Variants in FRMD4A observed in about 807,000 individuals in gnomAD.
FRMD4A encodes FERM domain-containing protein 4A.
In FRMD4A, 29 loss-of-function variants were observed where a neutral mutation model predicts 129.1. That is an observed-to-expected ratio of 0.22 (90% CI 0.17 to 0.31). The LOEUF is 0.31. Ranked by LOEUF, FRMD4A falls within the 10% of genes least tolerant of loss-of-function variation. The pLI is 1.00. For synonymous variants in FRMD4A, 634 were observed against 571.6 expected, an observed-to-expected ratio of 1.11 and a Z score of -1.56; for missense variants, 1,272 against 1,375.8, an observed-to-expected ratio of 0.92 and a Z score of 1.19.
At chr10:13,994,710 A>T (rs1328020790) in intron 2 of FRMD4A, among the ~76,000 whole-genome samples, 1 of 152,166 alleles carries the variant, frequency 6.6e-6, no homozygotes, top group African/African-American at 2.4e-5. Context: ...ATACAGACAT[A>T]TGTATTTTTT....
intron 2 of FRMD4A, among the ~76,000 whole-genome samples, chr10:14,056,514 T>C (rs1244220386): frequency 3.3e-5 from 5 of 151,394 alleles, no homozygotes; most frequent in African/African-American, 1.2e-4. Context: ...TCTTTCTAAC[T>C]ATATTTTTTT....
At chr10:13,792,911 T>C (rs994687907) in intron 5 of FRMD4A, among the ~76,000 whole-genome samples, 1 of 152,228 alleles carries the variant, frequency 6.6e-6, no homozygotes, top group Non-Finnish European at 1.5e-5. Context: ...GGAGATGCTA[T>C]CTGGCTTCGT....
At chr10:13,996,613 T>A (rs2095623404) in intron 2 of FRMD4A, among the ~76,000 whole-genome samples, 1 of 152,176 alleles carries the variant, frequency 6.6e-6, no homozygotes, top group African/African-American at 2.4e-5. Flanking sequence ...GAAGGGGAAC[T>A]AGGCATAATG....
chr10:13,967,151 A>C (rs1259597553), intron 2 of FRMD4A, among the ~76,000 whole-genome samples: 1 of 152,198 alleles, frequency 6.6e-6, no homozygotes, highest in East Asian at 1.9e-4. Flanking sequence ...CCTGGCTAAC[A>C]CGGTGAAACC....
At chr10:14,088,010 C>T (rs1247818771) in intron 2 of FRMD4A, among the ~76,000 whole-genome samples, 1 of 152,122 alleles carries the variant, frequency 6.6e-6, no homozygotes, top group East Asian at 1.9e-4. Context: ...TTTATAAAGT[C>T]ACCTTGGTAT....
intron 3 of FRMD4A, among the ~76,000 whole-genome samples, chr10:13,814,777 A>T (rs751204292): frequency 6.6e-6 from 1 of 152,072 alleles, no homozygotes; most frequent in East Asian, 1.9e-4. Flanking sequence ...AGAAAGAATG[A>T]TTCCCAGTGC....
intron 2 of FRMD4A, among the ~76,000 whole-genome samples, chr10:14,026,888 T>A (rs1588812682): frequency 6.6e-6 from 1 of 152,246 alleles, no homozygotes; most frequent in African/African-American, 2.4e-5. Flanking sequence ...TGTGCAACAT[T>A]GTTCTAGTTT....
chr10:14,195,416 G>T (rs1013206018), intron 2 of FRMD4A, among the ~76,000 whole-genome samples: 2 of 144,868 alleles, frequency 1.4e-5, no homozygotes, highest in African/African-American at 5.2e-5. Flanking sequence ...TGTCTCCCCT[G>T]TGTTTTCTTT....
At chr10:14,102,559 G>A (rs1474237806) in intron 2 of FRMD4A, among the ~76,000 whole-genome samples, 8 of 152,128 alleles carry the variant, frequency 5.3e-5, no homozygotes, top group South Asian at 2.1e-4. Flanking sequence ...GAACCAAGCC[G>A]ACCTCCCACA....
intron 2 of FRMD4A, among the ~76,000 whole-genome samples, chr10:13,888,712 T>A (rs976909462): frequency 6.6e-6 from 1 of 152,160 alleles, no homozygotes; most frequent in African/African-American, 2.4e-5. Context: ...TGTTATCATA[T>A]CAGGTGCTAC....
At chr10:14,191,951 TCCACTTCCACCAGA>T (rs1842332328) in intron 2 of FRMD4A, among the ~76,000 whole-genome samples, 1 of 152,196 alleles carries the variant, frequency 6.6e-6, no homozygotes, top group African/African-American at 2.4e-5. Flanking sequence ...ACTCACTGTC[TCCACTTCCACCAGA>T]CCACTTTTTC....
At position 13,654,717 on chromosome 10, in the gene FRMD4A, G is replaced by A. The variant is rs544300942; in HGVS notation, c.2954-205C>T. On this transcript the variant is annotated intron_variant, in intron 22 of 24. Transcript: ENST00000357447. ...ATCTCTACATGCCCCCCCAACCTCT[G>A]CATCCCACCCATTCCATTTTCTACC... 3.8e-5 allele frequency: 22 copies of A among 572,818 alleles called. No homozygotes were observed. The East Asian group carries it at 5.0e-4, about 13-fold the overall frequency. 35.5% of individuals were successfully genotyped at this position (572,818 alleles called of 1,614,324 possible). A position where few individuals can be genotyped will look rare whatever the true frequency, so the allele number is the denominator to read the frequency against.
At chr10:14,007,856 A>G (rs1365022135) in intron 2 of FRMD4A, among the ~76,000 whole-genome samples, 1 of 152,180 alleles carries the variant, frequency 6.6e-6, no homozygotes, top group Non-Finnish European at 1.5e-5. Context: ...TCTGAGATCC[A>G]CAAGTTACAA....
At chr10:13,660,661 C>A (rs1260724569) in intron 19 of FRMD4A, 108 bp from the exon 20 acceptor site, 1 of 696,598 alleles carries the variant, frequency 1.4e-6, no homozygotes, top group East Asian at 2.5e-5. Flanking sequence ...ACAGCCAAAC[C>A]CACACCTTCA....
rs1324063375 is a variant in FRMD4A, at chr10:13,821,532, G to A, written c.112-10624C>T. ...GTGACAGTGGCATCACATCGCTGCA[G>A]CAGAACAGCAAAGCTGCCAACAACA... On this transcript the variant is annotated intron_variant, in intron 3 of 24. Coordinates refer to ENST00000357447, the MANE Select transcript of FRMD4A (RefSeq NM_018027.5). The surrounding 1 kb of genome is among the most constrained non-coding windows in gnomAD (Gnocchi z 4.3). Among the ~76,000 whole-genome samples, 2 of 152,130 alleles carry A rather than the reference G, an allele frequency of 1.3e-5. No homozygotes were observed. Among genetic ancestry groups the A allele is most frequent in the Non-Finnish European group, 2.9e-5 (2 of 68,028 alleles).
Position 13,660,335 on chromosome 10 carries a change from A to C in FRMD4A, c.1879T>G (p.Ser627Ala). 6.2e-7 allele frequency: 1 copy of C among 1,611,402 alleles called. No homozygotes were observed. The highest frequency in any genetic ancestry group is 1.3e-5 in the African/African-American group (1 of 74,968). The change falls in exon 20 of 25, where the codon TCC (serine) becomes GCC (alanine). Residue 627 changes from serine (S) to alanine (A), a missense_variant. By Grantham distance (99) the Ser-to-Ala change is moderately conservative (BLOSUM62 1). Around this residue, in one of 2 missense-constraint regions of FRMD4A, gnomAD observed 972 missense variants for 892.3 expected, o/e 1.09. Transcript: ENST00000357447. The part of the protein sequence containing the change: ...DEPYEKVKKR[S>A]SHSHSSSHKR... ...GCTCACCTGGAATGGCTGTGAGAGG[A>C]GCGCTTCTTGACCTTCTCATAGGGT...
chr10:13,758,526 C>G (rs1472401588), intron 8 of FRMD4A, among the ~76,000 whole-genome samples: 3 of 152,182 alleles, frequency 2.0e-5, no homozygotes, highest in Non-Finnish European at 4.4e-5. Context: ...ATAAGGAAAC[C>G]TGCACAGGGT....
intron 2 of FRMD4A, among the ~76,000 whole-genome samples, chr10:13,968,397 A>G (rs1049421189): frequency 6.6e-6 from 1 of 152,184 alleles, no homozygotes; most frequent in African/African-American, 2.4e-5. Flanking sequence ...TTCAACAAAA[A>G]CAACATTTCA....
intron 2 of FRMD4A, among the ~76,000 whole-genome samples, chr10:14,137,537 T>C (rs764574238): frequency 7.2e-5 from 11 of 152,220 alleles, no homozygotes; most frequent in Non-Finnish European, 1.3e-4. Flanking sequence ...ATCAAGTAAT[T>C]GTTGGCTAAT....
Sources: allele counts gnomAD v4.1 joint callset (sites outside exome capture counted in the v4.1 genomes callset), GRCh38; gene constraint gnomAD v4.1.1; regional missense constraint gnomAD v4.1.1; non-coding constraint Gnocchi (gnomAD v3.1); transcripts MANE v1.5; gene names NCBI Gene and HGNC (gene_info 2026-07-23, HGNC 2026-07-21).